CLEC1A: variants seen among roughly 807,000 people sequenced by gnomAD.
CLEC1A encodes the protein C-type lectin domain family 1 member A.
In CLEC1A, 34 loss-of-function variants were observed where a neutral mutation model predicts 28.7. The observed-to-expected ratio is 1.18, with a 90% CI of 0.90 to 1.57. The LOEUF is 1.57. Among genes scored for constraint, CLEC1A ranks in the 40% most tolerant of loss-of-function variants. The probability of loss-of-function intolerance (pLI) is 0.00; values close to 1 mark genes in which losing one functional copy is unlikely to be tolerated. For missense variants in CLEC1A, 385 were observed against 339.5 expected (o/e 1.13, Z -1.05); for synonymous variants, 116 against 121.0 (o/e 0.96, Z 0.27).
chr12:10,084,870 C>T (rs888900080), intron 2 of CLEC1A, among the ~76,000 whole-genome samples: 1 of 117,658 alleles, frequency 8.5e-6, no homozygotes, highest in South Asian at 2.8e-4. Context: ...AAGACAGAAA[C>T]ATCAGGTAAT....
chr12:10,077,092 T>C (rs1002713596), intron 3 of CLEC1A, among the ~76,000 whole-genome samples: 4 of 152,100 alleles, frequency 2.6e-5, no homozygotes, highest in Non-Finnish European at 4.4e-5. Context: ...TTTCAATGAA[T>C]GTTTAGGAGG....
At chr12:10,083,297 C>A (rs1258266550) in intron 2 of CLEC1A, among the ~76,000 whole-genome samples, 1 of 152,154 alleles carries the variant, frequency 6.6e-6, no homozygotes, top group Non-Finnish European at 1.5e-5. Context: ...GGTAATATGA[C>A]AAAACAGGAT....
At position 10,081,432 on chromosome 12, in the gene CLEC1A, T is replaced by A. The variant is rs201912644; in HGVS notation, c.215-19A>T. The A allele has an allele frequency of 1.3e-6, 2 of 1,579,078 alleles. No homozygotes were observed. The highest frequency in any genetic ancestry group is 2.3e-5 in the East Asian group (1 of 44,014). On this transcript the variant is annotated intron_variant, in intron 2 of 5. Transcript: ENST00000315330. ...TGAAAAACTAACCCAAATGACCAAG[T>A]CAGACTGGACAGCTTATTTCTATGT...
intron 4 of CLEC1A, 72 bp from the exon 5 acceptor site, chr12:10,073,483 C>A: frequency 9.3e-7 from 1 of 1,073,392 alleles, no homozygotes; most frequent in South Asian, 1.4e-5. Flanking sequence ...ATGCATGGGC[C>A]AGCCAGCACT....
Position 10,083,383 on chromosome 12 carries a change from G to A in CLEC1A, c.215-1970C>T, listed in dbSNP as rs1866410362. Among the ~76,000 whole-genome samples the A allele has an allele frequency of 5.9e-5, 9 of 152,232 alleles. No homozygotes were observed. The South Asian group carries it at 1.9e-3, about 31-fold the overall frequency. On this transcript the variant is annotated intron_variant, in intron 2 of 5. Coordinates refer to ENST00000315330, the MANE Select transcript of CLEC1A (RefSeq NM_016511.4). ...CCAAGAAGAAATCTTTGAATTGCCA[G>A]ATAAAGAATTCAGAAGGTTGATTAT...
intron 5 of CLEC1A, 49 bp downstream of exon 5, chr12:10,073,244 A>T (rs1203420963): frequency 7.0e-7 from 1 of 1,432,900 alleles, no homozygotes; most frequent in Non-Finnish European, 9.8e-7. Context: ...TCACTCAAGC[A>T]AAATATCTTT....
In CLEC1A at chr12:10,077,474, G is replaced by T. The variant is rs532735672; in HGVS notation, c.392-1819C>A. Among the ~76,000 whole-genome samples the T allele has an allele frequency of 4.6e-5, 7 of 152,106 alleles. No individual in the cohort carries two copies. In the East Asian group the frequency reaches 1.4e-3, roughly 29 times the overall value. On this transcript the variant is annotated intron_variant, in intron 3 of 5. Transcript: ENST00000315330. Reference sequence around the variant, plus strand: ...GGAGAAAAATGCATATTTTTGGCCGGAAAAACGGGTGGACTGAAAATGAAC... The same window carrying T: ...GGAGAAAAATGCATATTTTTGGCCGTAAAAACGGGTGGACTGAAAATGAAC...
intron 2 of CLEC1A, among the ~76,000 whole-genome samples, chr12:10,083,977 C>G (rs1051805332): frequency 1.4e-5 from 2 of 145,502 alleles, no homozygotes; most frequent in Non-Finnish European, 3.0e-5. Flanking sequence ...TTGAATTACC[C>G]CAATCTGACA....
chr12:10,095,453 G>T (rs1216967880), intron 1 of CLEC1A, among the ~76,000 whole-genome samples: 1 of 151,914 alleles, frequency 6.6e-6, no homozygotes, highest in African/African-American at 2.4e-5. Context: ...ATCTACAATT[G>T]AGTTAGAATT....
intron 1 of CLEC1A, among the ~76,000 whole-genome samples, chr12:10,095,101 A>C (rs372611383): frequency 6.6e-6 from 1 of 152,134 alleles, no homozygotes. Flanking sequence ...CCTCTAGTAC[A>C]TCCCATAATG....
intron 4 of CLEC1A, among the ~76,000 whole-genome samples, chr12:10,075,014 A>G (rs1418707676): frequency 6.6e-6 from 1 of 152,214 alleles, no homozygotes; most frequent in African/African-American, 2.4e-5. Context: ...ATATATGTCA[A>G]TTTGTAGTTT....
intron 1 of CLEC1A, among the ~76,000 whole-genome samples, chr12:10,094,397 A>G (rs1454090657): frequency 6.6e-6 from 1 of 152,080 alleles, no homozygotes; most frequent in Non-Finnish European, 1.5e-5. Context: ...ATGAACTATT[A>G]GTAACTCCCC....
At chr12:10,074,885 C>T (rs1328915126) in intron 4 of CLEC1A, among the ~76,000 whole-genome samples, 1 of 152,144 alleles carries the variant, frequency 6.6e-6, no homozygotes, top group African/African-American at 2.4e-5. Context: ...TCTAGAGAAA[C>T]TGATAAATAA....
chr12:10,095,880 C>T (rs1947770018), intron 1 of CLEC1A, among the ~76,000 whole-genome samples: 1 of 152,176 alleles, frequency 6.6e-6, no homozygotes, highest in African/African-American at 2.4e-5. Flanking sequence ...CTCTGCTATT[C>T]ATCCCTGGTA....
At chr12:10,097,529 T>G (rs1230508541) in intron 1 of CLEC1A, among the ~76,000 whole-genome samples, 3 of 152,212 alleles carry the variant, frequency 2.0e-5, no homozygotes, top group Non-Finnish European at 4.4e-5. Context: ...CTTTGTAATC[T>G]CCACTTCTAC....
At position 10,075,586 on chromosome 12, in the gene CLEC1A, T is replaced by C. The variant is rs760617449; in HGVS notation, c.461A>G (p.Asp154Gly). 6.2e-7 allele frequency: 1 copy of C among 1,614,058 alleles called. No homozygotes were observed. Among genetic ancestry groups the C allele is most frequent in the Non-Finnish European group, 8.5e-7 (1 of 1,179,910 alleles). Residue 154 changes from aspartate (D) to glycine (G), a missense_variant, in exon 4 of 6, where the codon GAC becomes GGC. Asp to Gly is a moderately conservative substitution (Grantham distance 94). Coordinates refer to ENST00000315330, the MANE Select transcript of CLEC1A (RefSeq NM_016511.4). Reference sequence around the variant, plus strand: ...TTTACAGTCCTCCCAACTTTTGCTGTCTTTATAGAACTGGTAGCAATTGTC... The same window carrying C: ...TTTACAGTCCTCCCAACTTTTGCTGCCTTTATAGAACTGGTAGCAATTGTC... ...HGDNCYQFYK[D>G]SKSWEDCKYF...
intron 4 of CLEC1A, among the ~76,000 whole-genome samples, chr12:10,074,526 A>T (rs554295028): frequency 6.6e-6 from 1 of 152,320 alleles, no homozygotes; most frequent in Admixed American, 6.5e-5. Flanking sequence ...ATTTCCTACC[A>T]CGTGATATAA....
At chr12:10,086,210 T>C (rs1866489621) in intron 2 of CLEC1A, among the ~76,000 whole-genome samples, 1 of 152,142 alleles carries the variant, frequency 6.6e-6, no homozygotes, top group Non-Finnish European at 1.5e-5. Flanking sequence ...GGAAAGTTCA[T>C]AGCATTAAAT....
At chr12:10,093,836 T>C (rs1291009647) in intron 1 of CLEC1A, among the ~76,000 whole-genome samples, 1 of 152,146 alleles carries the variant, frequency 6.6e-6, no homozygotes, top group Non-Finnish European at 1.5e-5. Flanking sequence ...TGTAAACGTC[T>C]TTGTTTCCTT....
Sources: gnomAD v4.1 joint callset for allele counts (sites outside exome capture counted in the v4.1 genomes callset) on GRCh38, gnomAD v4.1.1 for gene constraint, MANE v1.5 for transcripts, NCBI Gene and HGNC (gene_info 2026-07-23, HGNC 2026-07-21) for gene names.